MYO3B: variants seen among roughly 807,000 people sequenced by gnomAD.
MYO3B encodes the protein myosin-IIIb.
Under a neutral mutation model 174.6 loss-of-function variants are expected in MYO3B, and 156 were observed. The ratio of observed to expected loss-of-function variants is 0.89; its 90% CI spans 0.78 to 1.02. MYO3B has a LOEUF of 1.02. MYO3B is among the 50% of genes least tolerant of loss of function. The probability of loss-of-function intolerance (pLI) is 0.00; values close to 1 mark genes in which losing one functional copy is unlikely to be tolerated. For missense variants in MYO3B, 1,632 were observed against 1,639.4 expected (o/e 1.00, Z 0.08); for synonymous variants, 563 against 569.1 (o/e 0.99, Z 0.15).
chr2:170,504,828 T>C (rs143728337), intron 28 of MYO3B, among the ~76,000 whole-genome samples: 3 of 152,290 alleles, frequency 2.0e-5, no homozygotes, highest in African/African-American at 7.2e-5. Context: ...TTTTTAATTG[T>C]GGGCCCTTCA....
chr2:170,196,091 A>G (rs1304282974), intron 1 of MYO3B, among the ~76,000 whole-genome samples: 1 of 152,150 alleles, frequency 6.6e-6, no homozygotes. Context: ...TTCTTTCTGA[A>G]ATGTCATTTA....
At chr2:170,492,075 G>C (rs1489986933) in intron 25 of MYO3B, among the ~76,000 whole-genome samples, 1 of 151,006 alleles carries the variant, frequency 6.6e-6, no homozygotes, top group Non-Finnish European at 1.5e-5. Flanking sequence ...AAAAAGATTT[G>C]TGATTTGTTA....
chr2:170,314,452 T>C (rs555125718), intron 7 of MYO3B, among the ~76,000 whole-genome samples: 1 of 152,310 alleles, frequency 6.6e-6, no homozygotes, highest in East Asian at 1.9e-4. Flanking sequence ...TGCTGGCTCA[T>C]CCCACTGAAA....
intron 30 of MYO3B, among the ~76,000 whole-genome samples, chr2:170,528,505 A>G (rs530065269): frequency 1.3e-5 from 2 of 152,264 alleles, no homozygotes; most frequent in South Asian, 2.1e-4. Flanking sequence ...TCCCGGGTTT[A>G]ACCGATTCTC....
At chr2:170,527,803 A>G (rs1575119184) in intron 30 of MYO3B, among the ~76,000 whole-genome samples, 1 of 152,264 alleles carries the variant, frequency 6.6e-6, no homozygotes, top group African/African-American at 2.4e-5. Flanking sequence ...CCTAGTACGT[A>G]GTTAAGTGGA....
At chr2:170,560,890 G>A (rs1691667385) in intron 32 of MYO3B, among the ~76,000 whole-genome samples, 1 of 152,172 alleles carries the variant, frequency 6.6e-6, no homozygotes, top group Non-Finnish European at 1.5e-5. Flanking sequence ...ACCGACGGGG[G>A]ACAGAACATC....
intron 32 of MYO3B, among the ~76,000 whole-genome samples, chr2:170,591,309 T>C (rs1485415168): frequency 6.6e-6 from 1 of 152,214 alleles, no homozygotes; most frequent in East Asian, 1.9e-4. Context: ...CCTAAAACTC[T>C]TGGGTGTCTG....
chr2:170,419,080 A>C (rs1056547764), intron 22 of MYO3B, among the ~76,000 whole-genome samples: 7 of 152,230 alleles, frequency 4.6e-5, no homozygotes, highest in African/African-American at 1.7e-4. Flanking sequence ...AGATGCACAC[A>C]TTAGATGAAT....
At chr2:170,377,619 A>G (rs2094304414) in intron 9 of MYO3B, among the ~76,000 whole-genome samples, 1 of 152,040 alleles carries the variant, frequency 6.6e-6, no homozygotes, top group Admixed American at 6.6e-5. Context: ...GCCACACCAA[A>G]AGCAAACTCC....
At chr2:170,383,647 G>A (rs1333133451) in intron 11 of MYO3B, 63 bp from the exon 12 acceptor site, 2 of 1,250,564 alleles carry the variant, frequency 1.6e-6, no homozygotes, top group Non-Finnish European at 2.3e-6. Context: ...GGTTTCATGG[G>A]CAATAGGTAG....
In MYO3B at chr2:170,558,016, C is replaced by CG. The variant is rs200217753; in HGVS notation, c.3733+14030dup. Among the ~76,000 whole-genome samples the CG allele has an allele frequency of 6.9e-3, 1,053 of 152,052 alleles. 6 individuals are homozygous for CG. The highest frequency in any genetic ancestry group is 0.023 in the African/African-American group (959 of 41,512). On this transcript the variant is annotated intron_variant, in intron 32 of 34. Coordinates refer to ENST00000408978, the MANE Select transcript of MYO3B (RefSeq NM_138995.5). ...TTACAGAAAAAAAAAATTCTTAAAACGGAGGCCAGACACCGTGGCTCATGC... is the reference window on the plus strand; with the variant it reads ...TTACAGAAAAAAAAAATTCTTAAAACGGGAGGCCAGACACCGTGGCTCATGC...
intron 28 of MYO3B, among the ~76,000 whole-genome samples, chr2:170,513,271 G>A (rs971948155): frequency 6.6e-6 from 1 of 152,118 alleles, no homozygotes. Flanking sequence ...AACTTATTCT[G>A]TCACAGTTCT....
intron 28 of MYO3B, among the ~76,000 whole-genome samples, chr2:170,510,473 A>G (rs1687907440): frequency 6.6e-6 from 1 of 152,358 alleles, no homozygotes; most frequent in African/African-American, 2.4e-5. Flanking sequence ...GATTAAAGAT[A>G]TGAAAGCACC....
intron 30 of MYO3B, among the ~76,000 whole-genome samples, chr2:170,525,665 T>C (rs1033713392): frequency 2.6e-5 from 4 of 152,184 alleles, no homozygotes; most frequent in African/African-American, 9.6e-5. Context: ...CAAGGAGAAC[T>C]GGCACCTCAC....
At chr2:170,484,524 C>G (rs1288138164) in intron 25 of MYO3B, among the ~76,000 whole-genome samples, 1 of 152,134 alleles carries the variant, frequency 6.6e-6, no homozygotes, top group Non-Finnish European at 1.5e-5. Context: ...TTAGGGGCCT[C>G]TCATTTAAAG....
At chr2:170,460,881 A>C (rs1386858551) in intron 23 of MYO3B, among the ~76,000 whole-genome samples, 2 of 152,206 alleles carry the variant, frequency 1.3e-5, no homozygotes, top group East Asian at 3.8e-4. Flanking sequence ...TATGGGGTAC[A>C]TGTGAAATTT....
chr2:170,227,947 T>C (rs1004149710), intron 6 of MYO3B, among the ~76,000 whole-genome samples: 1 of 152,124 alleles, frequency 6.6e-6, no homozygotes, highest in Non-Finnish European at 1.5e-5. Flanking sequence ...CCTGACAAGC[T>C]GTAAAATGGA....
intron 32 of MYO3B, among the ~76,000 whole-genome samples, chr2:170,633,422 G>C (rs549324521): frequency 6.0e-4 from 92 of 152,096 alleles, no homozygotes; most frequent in African/African-American, 1.8e-3. Flanking sequence ...ATTCAACAGC[G>C]CTTCATGCTA....
At chr2:170,534,500 C>T (rs1235310506) in intron 30 of MYO3B, among the ~76,000 whole-genome samples, 1 of 152,148 alleles carries the variant, frequency 6.6e-6, no homozygotes, top group African/African-American at 2.4e-5. Flanking sequence ...GGCTGGAGTG[C>T]AGTGGAATGA....
Sources: gnomAD v4.1 joint callset for allele counts (sites outside exome capture counted in the v4.1 genomes callset) on GRCh38, gnomAD v4.1.1 for gene constraint, MANE v1.5 for transcripts, NCBI Gene and HGNC (gene_info 2026-07-23, HGNC 2026-07-21) for gene names.